The following ATM variants were observed in gnomAD, a reference collection of about 807,000 sequenced individuals.
The protein encoded by ATM is serine-protein kinase ATM.
ATM carries 308 observed loss-of-function variants against 387.0 expected under a neutral mutation model. The observed-to-expected ratio is 0.80, with a 90% CI of 0.73 to 0.87. The LOEUF is 0.87. Among genes scored for constraint, ATM ranks in the 40% least tolerant of loss-of-function variants. The pLI is 0.00. For synonymous variants in ATM, 1,156 were observed against 1,187.3 expected (o/e 0.97, Z 0.54); for missense variants, 3,312 against 3,560.9 (o/e 0.93, Z 1.78).
chr11:108,367,481 ACAT>A lies in ATM; in HGVS notation c.*1976_*1978del. On this transcript the variant is annotated 3_prime_UTR_variant, in exon 63 of 63. Transcript: ENST00000675843. ...CCCCAGCTGTCATCATATAAGATAA[ACAT>A]CAGATAAAAAGCCACCTGAAAGTAA... The A allele has an allele frequency of 4.9e-6, 1 of 204,636 alleles. No individual in the cohort carries two copies. The allele number at this position is 204,636 out of a possible 1,614,324, so 12.7% of individuals were successfully genotyped here. A position where few individuals can be genotyped will look rare whatever the true frequency, so the allele number is the denominator to read the frequency against.
intron 59 of ATM, among the ~76,000 whole-genome samples, chr11:108,347,751 G>C (rs1324205573): frequency 6.6e-6 from 1 of 152,130 alleles, no homozygotes; most frequent in Non-Finnish European, 1.5e-5. Context: ...CTGTAGTTGA[G>C]TCGCTTGAGA....
intron 4 of ATM, chr11:108,229,526 T>A (rs1490583335): frequency 1.9e-6 from 1 of 521,408 alleles, no homozygotes; most frequent in Non-Finnish European, 3.3e-6. Flanking sequence ...AGTGAAGCAG[T>A]GGGAGTTTAG....
At chr11:108,329,461 C>T (rs1342407671) in intron 49 of ATM, among the ~76,000 whole-genome samples, 1 of 151,762 alleles carries the variant, frequency 6.6e-6, no homozygotes, top group East Asian at 1.9e-4. Context: ...GGCTGGAGTA[C>T]AGTGGCGTGA....
chr11:108,298,218 G>C (rs554641934), intron 33 of ATM, among the ~76,000 whole-genome samples: 3 of 152,122 alleles, frequency 2.0e-5, no homozygotes, highest in African/African-American at 7.2e-5. Flanking sequence ...TGAAGCTCTC[G>C]TGATGGTTTT....
intron 45 of ATM, among the ~76,000 whole-genome samples, chr11:108,323,753 A>G (rs2085401313): frequency 6.6e-6 from 1 of 152,218 alleles, no homozygotes; most frequent in Non-Finnish European, 1.5e-5. Flanking sequence ...TTTCTTTGGT[A>G]GAGAAATAGG....
rs372966951 is a variant in ATM at position 108,279,501 on chromosome 11, G to A, written c.3295G>A (p.Asp1099Asn). ...AAESINRLFQ[D>N]TKGDSSRLLK... is the part of the protein sequence containing the mutation. ...CTTGCTTGTTTTAAGATTGTTCCAG[G>A]ACACGAAGGGAGATTCTTCCAGGTT... The change falls in exon 23 of 63, where the codon GAC becomes AAC. Residue 1099 changes from aspartate (D) to asparagine (N), a missense_variant. Transcript: ENST00000675843. The A allele has an allele frequency of 1.9e-5, 30 of 1,609,150 alleles. No individual in the cohort carries two copies. In the South Asian group the frequency reaches 2.3e-4, roughly 12 times the overall value.
In ATM at chr11:108,247,185, T is replaced by C; in HGVS notation, c.1065+58T>C. 2.6e-6 allele frequency: 4 copies of C among 1,566,058 alleles called. No individual in the cohort carries two copies. In the South Asian group the frequency reaches 4.5e-5, roughly 18 times the overall value. On this transcript the variant is annotated intron_variant, in intron 8 of 62. Coordinates refer to ENST00000675843, the MANE Select transcript of ATM (RefSeq NM_000051.4). ...TTTCCTGTTAATTTTTTTTTTAAAC[T>C]GGGCATTTTGGGCTTTTAAAACCTG...
intron 34 of ATM, 34 bp downstream of exon 34, chr11:108,299,919 AATAT>A (rs1361769981): frequency 6.4e-7 from 1 of 1,557,672 alleles, no homozygotes; most frequent in African/African-American, 1.4e-5. Context: ...ATGTAATCTC[AATAT>A]GACATTCATG....
At chr11:108,281,263 A>T in intron 24 of ATM, 95 bp downstream of exon 24, 1 of 1,251,224 alleles carries the variant, frequency 8.0e-7, no homozygotes, top group Middle Eastern at 2.2e-4. Context: ...GCACTTATTT[A>T]AGACTAGGAA....
At position 108,229,159 on chromosome 11, in the gene ATM, G is replaced by A. The variant is rs748791429; in HGVS notation, c.186-19G>A. ...AAGTATTCAACGAGTTTCTGAAATTGCATTTTGTTTTCTTGAAGATTTTTA... is the reference window on the plus strand; with the variant it reads ...AAGTATTCAACGAGTTTCTGAAATTACATTTTGTTTTCTTGAAGATTTTTA... On this transcript the variant is annotated intron_variant, in intron 3 of 62. Coordinates refer to ENST00000675843, the MANE Select transcript of ATM (RefSeq NM_000051.4). 5.0e-6 allele frequency: 8 copies of A among 1,603,660 alleles called. No homozygotes were observed. Among genetic ancestry groups the A allele is most frequent in the Admixed American group, 1.7e-5 (1 of 59,128 alleles).
rs12364751 is a variant in ATM at position 108,262,616 on chromosome 11, C to G, written c.2466+3541C>G. On this transcript the variant is annotated intron_variant, in intron 16 of 62. Coordinates refer to ENST00000675843, the MANE Select transcript of ATM (RefSeq NM_000051.4). ...CCAGCTAACATCATAATGACAGGAT[C>G]AAATTCACACATAACAATGTTAACT... is the stretch of plus-strand genomic sequence containing the variant. Among the ~76,000 whole-genome samples, 912 of 152,260 alleles carry G rather than the reference C, an allele frequency of 6.0e-3. 3 individuals carry two copies. Among genetic ancestry groups the G allele is most frequent in the East Asian group, 0.01 (54 of 5,190 alleles).
Position 108,257,623 on chromosome 11 carries a change from CTTG to C in ATM, c.2376+20_2376+22del, listed in dbSNP as rs1171212629. On this transcript the variant is annotated intron_variant, in intron 15 of 62. Coordinates refer to ENST00000675843, the MANE Select transcript of ATM (RefSeq NM_000051.4). ...TGTACCAAGGTAAGATTTTCTTCTT[CTTG>C]TTTTGTTTTTTGAGATAGGATCTTT... is the stretch of plus-strand genomic sequence containing the variant. 1 of 1,611,530 alleles carries C rather than the reference CTTG, an allele frequency of 6.2e-7. No homozygotes were observed. Among genetic ancestry groups the C allele is most frequent in the African/African-American group, 1.3e-5 (1 of 74,852 alleles).
intron 29 of ATM, 48 bp from the exon 30 acceptor site, chr11:108,292,571 T>TAC: frequency 6.3e-7 from 1 of 1,589,028 alleles, no homozygotes; most frequent in Non-Finnish European, 8.6e-7. Context: ...TCAGAGTAAT[T>TAC]TTCCAGAACT....
intron 58 of ATM, 84 bp downstream of exon 58, chr11:108,345,992 T>A: frequency 6.6e-7 from 1 of 1,504,882 alleles, no homozygotes; most frequent in Non-Finnish European, 9.2e-7. Context: ...TTTTTCTACA[T>A]TCTGAGTTGC....
Position 108,252,932 on chromosome 11 carries a change from T to C in ATM, c.1898+20T>C. 6.4e-7 allele frequency: 1 copy of C among 1,558,930 alleles called. No homozygotes were observed. Among genetic ancestry groups the C allele is most frequent in the South Asian group, 1.1e-5 (1 of 89,440 alleles). On this transcript the variant is annotated intron_variant, in intron 12 of 62. Coordinates refer to ENST00000675843, the MANE Select transcript of ATM (RefSeq NM_000051.4). ...AGAATGGTATGTTATCTAATAATGC[T>C]CTTTATCATTTTAAGCTATAGCTTT... is the stretch of plus-strand genomic sequence containing the variant.
At chr11:108,293,195 T>C in intron 30 of ATM, 118 bp from the exon 31 acceptor site, 1 of 697,176 alleles carries the variant, frequency 1.4e-6, no homozygotes, top group Non-Finnish European at 2.3e-6. Context: ...TTAGACGTAA[T>C]TAGAACATTT....
intron 45 of ATM, 43 bp from the exon 46 acceptor site, chr11:108,325,267 T>A: frequency 9.4e-7 from 1 of 1,058,758 alleles, no homozygotes; most frequent in Non-Finnish European, 1.4e-6. Context: ...TTTTTTTTTT[T>A]TCATTTCTCT....
At chr11:108,293,919 A>ATGTG (rs1555101088) in intron 31 of ATM, among the ~76,000 whole-genome samples, 329 of 117,016 alleles carry the variant, frequency 2.8e-3, no homozygotes, top group East Asian at 4.7e-3. Context: ...ATATATATAT[A>ATGTG]TGTGTGTGTA....
At chr11:108,351,195 ATAAAAT>A (rs995927139) in intron 59 of ATM, among the ~76,000 whole-genome samples, 5 of 152,202 alleles carry the variant, frequency 3.3e-5, no homozygotes, top group Admixed American at 6.5e-5. Context: ...TCAAAAGCTG[ATAAAAT>A]TAATGTATAG....
Sources: allele counts gnomAD v4.1 joint callset (sites outside exome capture counted in the v4.1 genomes callset), GRCh38; gene constraint gnomAD v4.1.1; transcripts MANE v1.5; gene names NCBI Gene and HGNC (gene_info 2026-07-23, HGNC 2026-07-21).